GFOD1: variants seen among roughly 807,000 people sequenced by gnomAD.
The protein encoded by GFOD1 is Gfo/Idh/MocA-like oxidoreductase domain containing 1.
In GFOD1, 9 loss-of-function variants were observed where a neutral mutation model predicts 25.4. That is an observed-to-expected ratio of 0.35 (90% CI 0.21 to 0.62). GFOD1 has a LOEUF of 0.62. Among genes scored for constraint, GFOD1 ranks in the 20% least tolerant of loss-of-function variants. The pLI is 0.72. For missense variants in GFOD1, 403 were observed against 556.9 expected (o/e 0.72, Z 2.78); for synonymous variants, 253 against 245.6 (o/e 1.03, Z -0.28).
At chr6:13,464,480 A>G (rs1758346228) in intron 1 of GFOD1, among the ~76,000 whole-genome samples, 1 of 152,186 alleles carries the variant, frequency 6.6e-6, no homozygotes, top group Non-Finnish European at 1.5e-5. Flanking sequence ...CTATAGTTCT[A>G]TAGTTCTTAG....
rs1409269659 is a variant in GFOD1 at position 13,363,384 on chromosome 6, C to T, written c.*1359G>A. ...AATTAGAAGAACATGTTTTTTCCAACATTAGCCTTTTCAAGCCTAAGTATG... is the reference window on the plus strand; with the variant it reads ...AATTAGAAGAACATGTTTTTTCCAATATTAGCCTTTTCAAGCCTAAGTATG... On this transcript the variant is annotated 3_prime_UTR_variant, in exon 2 of 2. Transcript: ENST00000379287. 6.6e-6 allele frequency: 1 copy of T among 152,106 alleles called. No individual in the cohort carries two copies. The highest frequency in any genetic ancestry group is 1.9e-4 in the East Asian group (1 of 5,186). 9.4% of individuals were successfully genotyped at this position (152,106 alleles called of 1,614,324 possible). A position where few individuals can be genotyped will look rare whatever the true frequency, so the allele number is the denominator to read the frequency against.
intron 1 of GFOD1, among the ~76,000 whole-genome samples, chr6:13,427,486 C>G (rs1397285608): frequency 6.6e-6 from 1 of 152,102 alleles, no homozygotes; most frequent in Non-Finnish European, 1.5e-5. Flanking sequence ...ATGGTGAAAT[C>G]TCATCGCTAC....
intron 1 of GFOD1, among the ~76,000 whole-genome samples, chr6:13,413,990 A>C (rs1462701100): frequency 6.6e-6 from 1 of 152,260 alleles, no homozygotes; most frequent in African/African-American, 2.4e-5. Context: ...TAGATTCTAC[A>C]GATGATGCTT....
intron 1 of GFOD1, among the ~76,000 whole-genome samples, chr6:13,392,097 G>T (rs1220147066): frequency 1.3e-5 from 2 of 152,082 alleles, no homozygotes; most frequent in Non-Finnish European, 1.5e-5. Flanking sequence ...GGGTGCAGTG[G>T]CTCATGCCTG....
At chr6:13,478,799 G>A (rs184475942) in intron 1 of GFOD1, among the ~76,000 whole-genome samples, 1 of 152,230 alleles carries the variant, frequency 6.6e-6, no homozygotes, top group Admixed American at 6.5e-5. Context: ...TGAGGAAGCA[G>A]ACACACAGAG....
chr6:13,379,753 C>A (rs1188643903), intron 1 of GFOD1, among the ~76,000 whole-genome samples: 5 of 152,160 alleles, frequency 3.3e-5, no homozygotes, highest in Admixed American at 6.5e-5. Flanking sequence ...CTCTTGAGTA[C>A]AACAGGTTTC....
intron 1 of GFOD1, among the ~76,000 whole-genome samples, chr6:13,469,080 G>A (rs1363903357): frequency 6.6e-6 from 1 of 152,130 alleles, no homozygotes; most frequent in Non-Finnish European, 1.5e-5. Context: ...AACACACATG[G>A]GCCTGCTCTT....
At chr6:13,386,305 G>A (rs1454166835) in intron 1 of GFOD1, among the ~76,000 whole-genome samples, 2 of 152,108 alleles carry the variant, frequency 1.3e-5, no homozygotes, top group East Asian at 3.9e-4. Flanking sequence ...CTATCCGTCA[G>A]GTCCAAATCC....
At chr6:13,378,068 A>G (rs956236113) in intron 1 of GFOD1, among the ~76,000 whole-genome samples, 2 of 152,308 alleles carry the variant, frequency 1.3e-5, no homozygotes, top group Admixed American at 6.5e-5. Context: ...CTAAAATTGT[A>G]TGTATCCACT....
At chr6:13,409,117 G>GAAAA (rs1562209277) in intron 1 of GFOD1, among the ~76,000 whole-genome samples, 3 of 65,834 alleles carry the variant, frequency 4.6e-5, no homozygotes, top group Non-Finnish European at 1.1e-4. Context: ...AAGAAAGAAA[G>GAAAA]AAAGAAAGAA....
chr6:13,404,643 T>C (rs1785912824), intron 1 of GFOD1, among the ~76,000 whole-genome samples: 1 of 152,244 alleles, frequency 6.6e-6, no homozygotes, highest in Non-Finnish European at 1.5e-5. Flanking sequence ...GAGCTAACTG[T>C]TAGCCACGTT....
At chr6:13,452,231 G>T (rs761493154) in intron 1 of GFOD1, among the ~76,000 whole-genome samples, 13 of 152,100 alleles carry the variant, frequency 8.5e-5, no homozygotes, top group African/African-American at 2.7e-4. Context: ...TGCTGTAGTG[G>T]GTCAACTGGA....
rs375335905 is a variant in GFOD1 at position 13,431,940 on chromosome 6, C to A, written c.253+54698G>T. Among the ~76,000 whole-genome samples, 7 of 152,318 alleles carry A rather than the reference C, an allele frequency of 4.6e-5. No individual in the cohort carries two copies. The South Asian group carries it at 1.4e-3, about 32-fold the overall frequency. ...GATTTCATGAAAAAAGCAATTCTCTCCACCCTCGGTATTCAAAATCACTAA... is the reference window on the plus strand; with the variant it reads ...GATTTCATGAAAAAAGCAATTCTCTACACCCTCGGTATTCAAAATCACTAA... On this transcript the variant is annotated intron_variant, in intron 1 of 1. Coordinates refer to ENST00000379287, the MANE Select transcript of GFOD1 (RefSeq NM_018988.4).
chr6:13,363,557 T>C lies in GFOD1; in HGVS notation c.*1186A>G, dbSNP rs1259057168. ...AAATGCTGGAGCTAAGGAAAATCCT[T>C]TTTTTTTTTTTTTTTTTTTTTTTTT... On this transcript the variant is annotated 3_prime_UTR_variant, in exon 2 of 2. Coordinates refer to ENST00000379287, the MANE Select transcript of GFOD1 (RefSeq NM_018988.4). 9 of 41,294 alleles carry C rather than the reference T, an allele frequency of 2.2e-4. No homozygotes were observed. Among genetic ancestry groups the C allele is most frequent in the East Asian group, 8.1e-4 (1 of 1,240 alleles). The allele number at this position is 41,294 out of a possible 1,614,324, so 2.6% of individuals were successfully genotyped here. A position where few individuals can be genotyped will look rare whatever the true frequency, so the allele number is the denominator to read the frequency against.
chr6:13,375,162 C>T (rs928670948), intron 1 of GFOD1, among the ~76,000 whole-genome samples: 4 of 152,164 alleles, frequency 2.6e-5, no homozygotes, highest in Non-Finnish European at 5.9e-5. Flanking sequence ...TGCTATAGAA[C>T]GCTAGGACTT....
At chr6:13,425,188 G>A (rs1413777787) in intron 1 of GFOD1, among the ~76,000 whole-genome samples, 2 of 152,010 alleles carry the variant, frequency 1.3e-5, no homozygotes, top group East Asian at 1.9e-4. Context: ...TCAAACTCCT[G>A]AGCTCAAGGA....
intron 1 of GFOD1, among the ~76,000 whole-genome samples, chr6:13,395,320 C>T (rs969077228): frequency 1.3e-5 from 2 of 152,226 alleles, no homozygotes; most frequent in African/African-American, 4.8e-5. Context: ...ATCAGCATGA[C>T]AGCCATGGCC....
chr6:13,486,666 G>T lies in GFOD1; in HGVS notation c.225C>A (p.Leu75=). 1 of 1,614,172 alleles carries T rather than the reference G, an allele frequency of 6.2e-7. No homozygotes were observed. Among genetic ancestry groups the T allele is most frequent in the Non-Finnish European group, 8.5e-7 (1 of 1,180,026 alleles). Residue 75 remains leucine, a synonymous_variant, in exon 1 of 2, where the codon CTC becomes CTA. Transcript: ENST00000379287. ...DLVCINLPPP[L]TRQIAVKTLG... is the part of the protein sequence containing the mutation. ...GGGTTTTGACAGCGATCTGTCTGGTGAGGGGCGGCGGCAGGTTAATGCACA... is the reference window on the plus strand; with the variant it reads ...GGGTTTTGACAGCGATCTGTCTGGTTAGGGGCGGCGGCAGGTTAATGCACA...
intron 1 of GFOD1, among the ~76,000 whole-genome samples, chr6:13,423,806 G>C (rs577529244): frequency 6.6e-6 from 1 of 152,046 alleles, no homozygotes; most frequent in South Asian, 2.1e-4. Flanking sequence ...TCTACCTCCC[G>C]CCCGAAGCAA....
Sources: allele counts gnomAD v4.1 joint callset (sites outside exome capture counted in the v4.1 genomes callset), GRCh38; gene constraint gnomAD v4.1.1; transcripts MANE v1.5; gene names NCBI Gene and HGNC (gene_info 2026-07-23, HGNC 2026-07-21).